Variants in ALOX5 observed in about 807,000 individuals in gnomAD.
ALOX5 encodes arachidonate 5-lipoxygenase, also known as polyunsaturated fatty acid 5-lipoxygenase.
A neutral mutation model predicts 87.9 loss-of-function variants in ALOX5; 64 were observed. That is an observed-to-expected ratio of 0.73 (90% CI 0.60 to 0.90). ALOX5 has a LOEUF of 0.90. Ranked by LOEUF, ALOX5 falls within the 40% of genes least tolerant of loss-of-function variation. The pLI is 0.00. For missense variants in ALOX5, 822 were observed against 907.5 expected, an observed-to-expected ratio of 0.91 and a Z score of 1.21; for synonymous variants, 388 against 355.1, an observed-to-expected ratio of 1.09 and a Z score of -1.04.
At chr10:45,393,261 A>G (rs1171195249) in intron 2 of ALOX5, among the ~76,000 whole-genome samples, 4 of 152,250 alleles carry the variant, frequency 2.6e-5, no homozygotes, top group African/African-American at 7.2e-5. Context: ...CACCAGGATC[A>G]AGTGGGCATC....
chr10:45,439,155 C>T (rs549725339), intron 7 of ALOX5, among the ~76,000 whole-genome samples: 26 of 152,198 alleles, frequency 1.7e-4, no homozygotes, highest in Non-Finnish European at 2.4e-4. Flanking sequence ...TATTATTCAC[C>T]GGCATTTCAC....
rs1369227904 is a variant in ALOX5, at chr10:45,417,174, G to A, written c.554+4861G>A. Among the ~76,000 whole-genome samples, 5 of 152,042 alleles carry A rather than the reference G, an allele frequency of 3.3e-5. No individual in the cohort carries two copies. The South Asian group carries it at 1.0e-3, about 32-fold the overall frequency. ...CTGGGTCACAGTCCATTTTAACAGG[G>A]TTTAATGAGCACCTATCCTGTGGTA... On this transcript the variant is annotated intron_variant, in intron 4 of 13. Coordinates refer to ENST00000374391, the MANE Select transcript of ALOX5 (RefSeq NM_000698.5).
In ALOX5 at chr10:45,382,503, T is replaced by C; in HGVS notation, c.171T>C (p.Thr57=). 6.2e-7 allele frequency: 1 copy of C among 1,614,170 alleles called. No homozygotes were observed. The highest frequency in any genetic ancestry group is 8.5e-7 in the Non-Finnish European group (1 of 1,180,032). ...ERGAVDSYDV[T]VDEELGEIQL... ...CCCAGGTGGATTCATACGACGTGACTGTGGACGAGGAACTGGGCGAGATCC... is the reference window on the plus strand; with the variant it reads ...CCCAGGTGGATTCATACGACGTGACCGTGGACGAGGAACTGGGCGAGATCC... Residue 57 remains threonine (T), a synonymous_variant, in exon 2 of 14, where the codon ACT becomes ACC. Transcript: ENST00000374391.
In ALOX5 at chr10:45,443,396, G is replaced by T; in HGVS notation, c.1452-20G>T. On this transcript the variant is annotated intron_variant, in intron 10 of 13. Transcript: ENST00000374391. ...CAGACCTGGCTGGGTCGCCCACCCC[G>T]GCTGCGCCCCCTGAGCCAGGTTCAC... is the stretch of plus-strand genomic sequence containing the variant. 1.3e-6 allele frequency: 2 copies of T among 1,596,488 alleles called. No homozygotes were observed. Among genetic ancestry groups the T allele is most frequent in the South Asian group, 2.2e-5 (2 of 89,970 alleles).
At chr10:45,432,005 C>A (rs186144153) in intron 7 of ALOX5, among the ~76,000 whole-genome samples, 1 of 150,768 alleles carries the variant, frequency 6.6e-6, no homozygotes, top group Non-Finnish European at 1.5e-5. Flanking sequence ...AAAATTTCAG[C>A]CAGAATTTTT....
At chr10:45,423,932 G>T in intron 4 of ALOX5, 109 bp from the exon 5 acceptor site, 1 of 826,934 alleles carries the variant, frequency 1.2e-6, no homozygotes, top group Non-Finnish European at 2.0e-6. Flanking sequence ...CTGCAGAGCT[G>T]CCTGGAGGGG....
chr10:45,389,834 C>G (rs1031088394), intron 2 of ALOX5, among the ~76,000 whole-genome samples: 30 of 152,326 alleles, frequency 2.0e-4, no homozygotes, highest in Non-Finnish European at 3.8e-4. Flanking sequence ...ATCAAATTCA[C>G]ACATAACAAT....
At chr10:45,430,175 C>A (rs866755610) in intron 7 of ALOX5, among the ~76,000 whole-genome samples, 4 of 152,212 alleles carry the variant, frequency 2.6e-5, no homozygotes, top group African/African-American at 9.6e-5. Context: ...GCTCAGAGAT[C>A]TCTTGGAGCA....
At chr10:45,394,370 A>C (rs986403466) in intron 2 of ALOX5, among the ~76,000 whole-genome samples, 19 of 152,270 alleles carry the variant, frequency 1.2e-4, no homozygotes, top group Non-Finnish European at 2.4e-4. Flanking sequence ...TTCCCTATTT[A>C]ATAAATGGTG....
chr10:45,439,595 G>A (rs1385481957), intron 7 of ALOX5, among the ~76,000 whole-genome samples: 1 of 152,210 alleles, frequency 6.6e-6, no homozygotes, highest in Non-Finnish European at 1.5e-5. Flanking sequence ...CAGGGCTGCT[G>A]GCATGGAGGG....
chr10:45,430,639 A>G (rs1250847539), intron 7 of ALOX5, among the ~76,000 whole-genome samples: 3 of 152,238 alleles, frequency 2.0e-5, no homozygotes, highest in Non-Finnish European at 4.4e-5. Context: ...CTTAAAAAAA[A>G]AAAAGAACAG....
At chr10:45,442,925 T>C in intron 9 of ALOX5, 113 bp from the exon 10 acceptor site, 1 of 1,149,308 alleles carries the variant, frequency 8.7e-7, no homozygotes, top group Non-Finnish European at 1.2e-6. Context: ...GGACAAGGGC[T>C]TGCACCTCTG....
chr10:45,432,941 G>C (rs1256889402), intron 7 of ALOX5, among the ~76,000 whole-genome samples: 1 of 152,180 alleles, frequency 6.6e-6, no homozygotes, highest in Non-Finnish European at 1.5e-5. Context: ...TACACAGGTA[G>C]CTCCTTTACA....
intron 1 of ALOX5, among the ~76,000 whole-genome samples, chr10:45,379,613 C>T (rs1023050131): frequency 2.0e-5 from 3 of 152,316 alleles, no homozygotes; most frequent in East Asian, 3.9e-4. Context: ...AGCTCACAGG[C>T]GGTGTGGGGC....
chr10:45,439,177 T>C (rs967209865), intron 7 of ALOX5, among the ~76,000 whole-genome samples: 3 of 152,246 alleles, frequency 2.0e-5, no homozygotes, highest in Non-Finnish European at 1.5e-5. Flanking sequence ...TGTTTCCTTT[T>C]ATTTTTATTA....
At chr10:45,416,384 C>G (rs1354450412) in intron 4 of ALOX5, among the ~76,000 whole-genome samples, 1 of 152,160 alleles carries the variant, frequency 6.6e-6, no homozygotes, top group African/African-American at 2.4e-5. Flanking sequence ...AAAATTAAAA[C>G]CTAACATCTG....
intron 1 of ALOX5, among the ~76,000 whole-genome samples, chr10:45,378,897 G>A (rs989346255): frequency 1.3e-5 from 2 of 152,196 alleles, no homozygotes; most frequent in Non-Finnish European, 2.9e-5. Context: ...GTCCCTGTCA[G>A]ATGGCAGATG....
At position 45,444,338 on chromosome 10, in the gene ALOX5, T is replaced by C. The variant is rs1167774144; in HGVS notation, c.1845+52T>C. The stretch of plus-strand genomic sequence containing the variant: ...CCCCAGGTCACCCCAGGTTAAGCGG[T>C]TCCTCAGCCTCAGGGCTTTGTGACT... On this transcript the variant is annotated intron_variant, in intron 13 of 13. Coordinates refer to ENST00000374391, the MANE Select transcript of ALOX5 (RefSeq NM_000698.5). 9 of 1,502,752 alleles carry C rather than the reference T, an allele frequency of 6.0e-6. No individual in the cohort carries two copies. The African/African-American group carries it at 1.1e-4, about 19-fold the overall frequency. 93.1% of individuals were successfully genotyped at this position (1,502,752 alleles called of 1,614,324 possible).
intron 13 of ALOX5, chr10:45,444,822 G>GC (rs911375790): frequency 6.4e-6 from 1 of 156,056 alleles, no homozygotes; most frequent in African/African-American, 2.4e-5. Context: ...TTGTGGCTTT[G>GC]CACATGTGTT....
Sources: gnomAD v4.1 joint callset for allele counts (sites outside exome capture counted in the v4.1 genomes callset) on GRCh38, gnomAD v4.1.1 for gene constraint, MANE v1.5 for transcripts, NCBI Gene and HGNC (gene_info 2026-07-23, HGNC 2026-07-21) for gene names.